The following FAM171A1 variants were observed in gnomAD, a reference collection of about 807,000 sequenced individuals.
FAM171A1 encodes family with sequence similarity 171 member A1, also known as protein FAM171A1.
Under a neutral mutation model 74.9 loss-of-function variants are expected in FAM171A1, and 23 were observed. The ratio of observed to expected loss-of-function variants is 0.31; its 90% CI spans 0.22 to 0.44. The LOEUF (loss-of-function observed/expected upper bound fraction) is 0.44, where lower values mean the gene tolerates loss of function less well. Ranked by LOEUF, FAM171A1 falls within the 20% of genes least tolerant of loss-of-function variation. FAM171A1 has a pLI of 1.00. For missense variants in FAM171A1, 1,162 were observed against 1,159.2 expected, an observed-to-expected ratio of 1.00 and a Z score of -0.03; for synonymous variants, 527 against 505.7, an observed-to-expected ratio of 1.04 and a Z score of -0.57.
chr10:15,245,226 C>T (rs1323813448), intron 5 of FAM171A1, among the ~76,000 whole-genome samples: 1 of 152,108 alleles, frequency 6.6e-6, no homozygotes, highest in Non-Finnish European at 1.5e-5. Flanking sequence ...CCACCACGCC[C>T]AGCTAATTTT....
chr10:15,351,567 C>CGATGGATGGATGTATGGATG (rs1835877277), intron 1 of FAM171A1, among the ~76,000 whole-genome samples: 1 of 146,350 alleles, frequency 6.8e-6, no homozygotes, highest in African/African-American at 2.5e-5. Flanking sequence ...AAAGTAGGGA[C>CGATGGATGGATGTATGGATG]GATGGATGGA....
chr10:15,215,290 T>G (rs1564612498), intron 7 of FAM171A1, among the ~76,000 whole-genome samples: 1 of 152,226 alleles, frequency 6.6e-6, no homozygotes, highest in Non-Finnish European at 1.5e-5. Flanking sequence ...ATAAGCCAAG[T>G]TACTTATTTC....
chr10:15,331,531 G>A (rs1378701902), intron 1 of FAM171A1, among the ~76,000 whole-genome samples: 1 of 152,066 alleles, frequency 6.6e-6, no homozygotes, highest in Non-Finnish European at 1.5e-5. Flanking sequence ...AGAAGATTGA[G>A]AAACAGGCAT....
chr10:15,279,541 A>T (rs1834939790), intron 2 of FAM171A1, among the ~76,000 whole-genome samples: 1 of 151,618 alleles, frequency 6.6e-6, no homozygotes, highest in Non-Finnish European at 1.5e-5. Flanking sequence ...TGATACCTAG[A>T]GGGAAAGGAA....
chr10:15,347,438 A>G (rs1447306063), intron 1 of FAM171A1, among the ~76,000 whole-genome samples: 2 of 152,216 alleles, frequency 1.3e-5, no homozygotes, highest in Non-Finnish European at 2.9e-5. Context: ...AAAGTCCACA[A>G]ACAGCATCGG....
intron 1 of FAM171A1, among the ~76,000 whole-genome samples, chr10:15,329,751 A>G (rs1344620332): frequency 1.3e-5 from 2 of 152,162 alleles, no homozygotes; most frequent in Admixed American, 6.5e-5. Context: ...TTCAGATCAC[A>G]AGGGGAGTCT....
At chr10:15,261,302 C>T (rs1253475424) in intron 3 of FAM171A1, among the ~76,000 whole-genome samples, 1 of 152,190 alleles carries the variant, frequency 6.6e-6, no homozygotes, top group African/African-American at 2.4e-5. Context: ...TTCTGAGATG[C>T]CATTTAGCCT....
chr10:15,318,269 C>T (rs1835446007), intron 1 of FAM171A1, among the ~76,000 whole-genome samples: 2 of 152,142 alleles, frequency 1.3e-5, no homozygotes, highest in African/African-American at 2.4e-5. Context: ...TCCTCAATTC[C>T]CAGAGCCAGT....
At chr10:15,347,899 T>C (rs1156831924) in intron 1 of FAM171A1, among the ~76,000 whole-genome samples, 1 of 151,556 alleles carries the variant, frequency 6.6e-6, no homozygotes, top group African/African-American at 2.4e-5. Context: ...TTCCACATGA[T>C]TTGCGTTCTA....
chr10:15,324,944 C>A (rs936880662), intron 1 of FAM171A1, among the ~76,000 whole-genome samples: 2 of 152,104 alleles, frequency 1.3e-5, no homozygotes, highest in Admixed American at 1.3e-4. Flanking sequence ...ACTTGCACTC[C>A]GCATCTGAGG....
chr10:15,361,112 T>TA (rs1227815920), intron 1 of FAM171A1, among the ~76,000 whole-genome samples: 8 of 152,200 alleles, frequency 5.3e-5, no homozygotes, highest in Non-Finnish European at 1.0e-4. Flanking sequence ...TGATTAATTA[T>TA]AAAGGATAAA....
chr10:15,326,565 C>A (rs575537364), intron 1 of FAM171A1, among the ~76,000 whole-genome samples: 2 of 151,648 alleles, frequency 1.3e-5, no homozygotes, highest in Non-Finnish European at 2.9e-5. Flanking sequence ...CCACCTGCCT[C>A]GGCCTCCCAA....
chr10:15,340,370 T>A, intron 1 of FAM171A1, among the ~76,000 whole-genome samples: 1 of 152,214 alleles, frequency 6.6e-6, no homozygotes, highest in Non-Finnish European at 1.5e-5. Context: ...CAGGCCTCCC[T>A]CTGCCTAAAA....
intron 1 of FAM171A1, among the ~76,000 whole-genome samples, chr10:15,360,398 G>A (rs1004136222): frequency 6.6e-5 from 10 of 152,216 alleles, no homozygotes; most frequent in African/African-American, 2.4e-4. Context: ...CTAATGCAAT[G>A]AAAATATCAG....
intron 1 of FAM171A1, among the ~76,000 whole-genome samples, chr10:15,315,539 C>G (rs1835412499): frequency 6.6e-6 from 1 of 152,224 alleles, no homozygotes; most frequent in Non-Finnish European, 1.5e-5. Flanking sequence ...CTGGAGAAAT[C>G]ACCTTTTAAT....
intron 3 of FAM171A1, among the ~76,000 whole-genome samples, chr10:15,255,206 T>A (rs773757165): frequency 1.6e-4 from 24 of 152,326 alleles, no homozygotes; most frequent in Non-Finnish European, 2.6e-4. Flanking sequence ...TTTGGGAAAC[T>A]CCATGTAAAT....
At chr10:15,312,673 G>GGTTTTTTT (rs1835374892) in intron 1 of FAM171A1, among the ~76,000 whole-genome samples, 1 of 36,382 alleles carries the variant, frequency 2.7e-5, no homozygotes, top group African/African-American at 1.2e-4. Context: ...AGCACTGTGT[G>GGTTTTTTT]TTTTTTTTTT....
chr10:15,230,020 C>G (rs1048596056), intron 5 of FAM171A1, among the ~76,000 whole-genome samples: 2 of 152,144 alleles, frequency 1.3e-5, no homozygotes, highest in African/African-American at 4.8e-5. Context: ...CTTCCTAGAG[C>G]TTTCATCTGC....
At chr10:15,289,817 A>G (rs1835081523) in intron 1 of FAM171A1, among the ~76,000 whole-genome samples, 1 of 152,220 alleles carries the variant, frequency 6.6e-6, no homozygotes, top group African/African-American at 2.4e-5. Context: ...ATAAAGTTTT[A>G]TTGGAACACA....
Sources: allele counts gnomAD v4.1 joint callset (sites outside exome capture counted in the v4.1 genomes callset), GRCh38; gene constraint gnomAD v4.1.1; transcripts MANE v1.5; gene names NCBI Gene and HGNC (gene_info 2026-07-23, HGNC 2026-07-21).